Variants in COPZ1 observed in about 807,000 individuals in gnomAD.
The protein encoded by COPZ1 is coatomer subunit zeta-1.
In COPZ1, 4 loss-of-function variants were observed where a neutral mutation model predicts 31.7. The ratio of observed to expected loss-of-function variants is 0.13; its 90% CI spans 0.06 to 0.29. The LOEUF is 0.29. Ranked by LOEUF, COPZ1 falls within the 10% of genes least tolerant of loss-of-function variation. The pLI is 1.00. For synonymous variants in COPZ1, 74 were observed against 79.0 expected (o/e 0.94, Z 0.33); for missense variants, 156 against 211.5 (o/e 0.74, Z 1.63).
Position 54,326,124 on chromosome 12 carries a change from AATTATTATT to A in COPZ1, c.18+965_18+973del, listed in dbSNP as rs377508362. On this transcript the variant is annotated intron_variant, in intron 1 of 8. Transcript: ENST00000262061. ...GCTTGAACCACCGCGCCTGGCCAGG[AATTATTATT>A]ATTATTATTATTATTATTATTTTTG... 2.2e-3 allele frequency among the ~76,000 whole-genome samples: 310 copies of A among 139,170 alleles called. 3 individuals carry two copies. The highest frequency in any genetic ancestry group is 8.0e-3 in the African/African-American group (302 of 37,682). 91.3% of individuals were successfully genotyped at this position (139,170 alleles called of 152,430 possible).
chr12:54,325,979 C>T (rs908624092), intron 1 of COPZ1, among the ~76,000 whole-genome samples: 1 of 150,418 alleles, frequency 6.6e-6, no homozygotes, highest in African/African-American at 2.4e-5. Context: ...CCACCACGCC[C>T]GGCTATTTTT....
At chr12:54,340,886 A>C (rs1435796880) in intron 2 of COPZ1, among the ~76,000 whole-genome samples, 1 of 152,056 alleles carries the variant, frequency 6.6e-6, no homozygotes, top group African/African-American at 2.4e-5. Context: ...TCTTTAGTAG[A>C]GACAGGGTTT....
chr12:54,348,736 C>CA (rs1379841713), intron 7 of COPZ1, among the ~76,000 whole-genome samples: 16 of 150,160 alleles, frequency 1.1e-4, no homozygotes, highest in African/African-American at 3.4e-4. Context: ...GACTCTGTCT[C>CA]AAAAAAAATA....
At chr12:54,345,572 G>A (rs1954047751) in intron 5 of COPZ1, 57 bp downstream of exon 5, 3 of 1,383,480 alleles carry the variant, frequency 2.2e-6, no homozygotes, top group African/African-American at 2.8e-5. Context: ...GCAGGGCATT[G>A]TTGATTTCTT....
At chr12:54,330,032 TC>T (rs1368594395) in intron 1 of COPZ1, among the ~76,000 whole-genome samples, 3 of 152,092 alleles carry the variant, frequency 2.0e-5, no homozygotes. Flanking sequence ...TTCCTGGCAG[TC>T]CCCTGTGCCC....
Position 54,342,853 on chromosome 12 carries a change from C to CTT in COPZ1, c.170-352_170-351dup, listed in dbSNP as rs11321130. Among the ~76,000 whole-genome samples, 367 of 94,598 alleles carry CTT rather than the reference C, an allele frequency of 3.9e-3. 6 individuals carry two copies. The highest frequency in any genetic ancestry group is 9.5e-3 in the Middle Eastern group (2 of 210). The allele number at this position is 94,598 out of a possible 152,430, so 62.1% of individuals were successfully genotyped here. On this transcript the variant is annotated intron_variant, in intron 3 of 8. Coordinates refer to ENST00000262061, the MANE Select transcript of COPZ1 (RefSeq NM_016057.3). ...TACTAGGAATTCATGGTAACGCCTT[C>CTT]TTTTTTTTTTTTTTTTTTTTTGAGA...
chr12:54,332,609 C>CT (rs1463149362), intron 1 of COPZ1, among the ~76,000 whole-genome samples: 2 of 151,968 alleles, frequency 1.3e-5, no homozygotes, highest in African/African-American at 4.8e-5. Context: ...TGGTGGGTGC[C>CT]TGTAATGCCA....
chr12:54,341,617 G>A (rs1262263409), intron 2 of COPZ1, among the ~76,000 whole-genome samples: 2 of 152,222 alleles, frequency 1.3e-5, no homozygotes, highest in African/African-American at 4.8e-5. Flanking sequence ...AAGAGCTAGC[G>A]ATTTAGCAGC....
chr12:54,331,299 G>A (rs1243805858), intron 1 of COPZ1, among the ~76,000 whole-genome samples: 7 of 145,550 alleles, frequency 4.8e-5, no homozygotes, highest in Admixed American at 2.9e-4. Context: ...TCCTTCCTCC[G>A]CCTCCCGAGT....
At chr12:54,346,256 C>G (rs1198160815) in intron 5 of COPZ1, among the ~76,000 whole-genome samples, 1 of 151,680 alleles carries the variant, frequency 6.6e-6, no homozygotes, top group African/African-American at 2.4e-5. Flanking sequence ...AAGCAACACT[C>G]CCAATTTTTT....
At chr12:54,343,045 C>T (rs1346493686) in intron 3 of COPZ1, among the ~76,000 whole-genome samples, 180 bp from the exon 4 acceptor site, 5 of 151,752 alleles carry the variant, frequency 3.3e-5, no homozygotes, top group African/African-American at 4.8e-5. Context: ...TTAGTAGAGA[C>T]GGGGTTTCAC....
At chr12:54,325,307 C>A in intron 1 of COPZ1, 126 bp downstream of exon 1, 1 of 1,265,682 alleles carries the variant, frequency 7.9e-7, no homozygotes, top group Non-Finnish European at 1.1e-6. Flanking sequence ...GTTCTGCTGA[C>A]CTTTGGAATA....
At chr12:54,338,443 A>G (rs1428794721) in intron 1 of COPZ1, among the ~76,000 whole-genome samples, 1 of 152,170 alleles carries the variant, frequency 6.6e-6, no homozygotes, top group South Asian at 2.1e-4. Context: ...ACTAGGCAAC[A>G]AAGTTCTTTA....
chr12:54,339,273 A>AG (rs1482596216), intron 1 of COPZ1, among the ~76,000 whole-genome samples: 5 of 151,796 alleles, frequency 3.3e-5, no homozygotes, highest in African/African-American at 1.2e-4. Context: ...AAAAAAAAAA[A>AG]AAAAGAAAGT....
chr12:54,330,529 A>G (rs1953732219), intron 1 of COPZ1, among the ~76,000 whole-genome samples: 1 of 152,134 alleles, frequency 6.6e-6, no homozygotes, highest in Admixed American at 6.6e-5. Context: ...TATAAATTAT[A>G]TCAAAGATCT....
At chr12:54,330,477 C>T (rs897083149) in intron 1 of COPZ1, among the ~76,000 whole-genome samples, 4 of 152,130 alleles carry the variant, frequency 2.6e-5, no homozygotes, top group African/African-American at 9.7e-5. Context: ...TATTTTTTCC[C>T]TCTTCTTCAC....
chr12:54,343,092 G>A (rs2011694290), intron 3 of COPZ1, 133 bp from the exon 4 acceptor site: 3 of 727,286 alleles, frequency 4.1e-6, no homozygotes, highest in Middle Eastern at 3.8e-4. Flanking sequence ...CCTGACCTTA[G>A]GTGATCCGCC....
At chr12:54,342,028 T>C (rs769675802) in intron 2 of COPZ1, among the ~76,000 whole-genome samples, 178 bp from the exon 3 acceptor site, 27 of 152,234 alleles carry the variant, frequency 1.8e-4, no homozygotes, top group Non-Finnish European at 3.1e-4. Flanking sequence ...TTTATTTTTC[T>C]TGGATTACTC....
At chr12:54,350,110 G>A in intron 8 of COPZ1, 2 of 619,128 alleles carry the variant, frequency 3.2e-6, no homozygotes, top group South Asian at 3.9e-5. Flanking sequence ...TGATGTAGGG[G>A]GAAGGGAGGG....
Sources: allele counts gnomAD v4.1 joint callset (sites outside exome capture counted in the v4.1 genomes callset), GRCh38; gene constraint gnomAD v4.1.1; transcripts MANE v1.5; gene names NCBI Gene and HGNC (gene_info 2026-07-23, HGNC 2026-07-21).